The following ROBO2 variants were observed in gnomAD, a reference collection of about 807,000 sequenced individuals.
The protein encoded by ROBO2 is roundabout guidance receptor 2, also known as roundabout homolog 2.
A neutral mutation model predicts 160.8 loss-of-function variants in ROBO2; 53 were observed. That is an observed-to-expected ratio of 0.33 (90% CI 0.26 to 0.41). ROBO2 has a LOEUF of 0.41. Among genes scored for constraint, ROBO2 ranks in the 10% least tolerant of loss-of-function variants. The pLI is 1.00. For synonymous variants in ROBO2, 664 were observed against 611.7 expected (o/e 1.09, Z -1.26); for missense variants, 1,577 against 1,722.4 (o/e 0.92, Z 1.49).
chr3:77,461,570 A>G (rs995245249), intron 2 of ROBO2, among the ~76,000 whole-genome samples: 2 of 152,032 alleles, frequency 1.3e-5, no homozygotes, highest in African/African-American at 4.8e-5. Context: ...TTGTTTTTGT[A>G]TATTCAATCC....
At chr3:77,358,441 A>T (rs971496866) in intron 2 of ROBO2, among the ~76,000 whole-genome samples, 2 of 152,326 alleles carry the variant, frequency 1.3e-5, no homozygotes, top group African/African-American at 4.8e-5. Flanking sequence ...TTTCCAAATA[A>T]AGTCACATTC....
At chr3:77,335,688 G>C (rs539200092) in intron 2 of ROBO2, among the ~76,000 whole-genome samples, 17 of 152,262 alleles carry the variant, frequency 1.1e-4, no homozygotes, top group African/African-American at 3.6e-4. Flanking sequence ...AGCATTCCAA[G>C]TGTTAGGTTA....
At chr3:77,583,416 A>G (rs999073736) in intron 16 of ROBO2, among the ~76,000 whole-genome samples, 9 of 151,940 alleles carry the variant, frequency 5.9e-5, no homozygotes, top group African/African-American at 2.2e-4. Flanking sequence ...ATGGGAGTGC[A>G]TATCCCAATA....
intron 2 of ROBO2, among the ~76,000 whole-genome samples, chr3:77,397,864 G>A (rs923181336): frequency 4.6e-5 from 7 of 151,866 alleles, no homozygotes; most frequent in African/African-American, 9.7e-5. Context: ...CTGCAAAACC[G>A]TTTATTTACT....
At chr3:75,997,171 T>C (rs1373497636) in intron 2 of ROBO2, among the ~76,000 whole-genome samples, 1 of 152,234 alleles carries the variant, frequency 6.6e-6, no homozygotes, top group Non-Finnish European at 1.5e-5. Context: ...GAAATGTATA[T>C]ATCCATTATA....
chr3:76,073,816 C>A (rs2068554974), intron 2 of ROBO2, among the ~76,000 whole-genome samples: 1 of 152,038 alleles, frequency 6.6e-6, no homozygotes, highest in African/African-American at 2.4e-5. Flanking sequence ...ACAGGTTCAA[C>A]TAGAGAGATA....
At chr3:77,473,402 T>G (rs1423916318) in intron 2 of ROBO2, among the ~76,000 whole-genome samples, 1 of 150,410 alleles carries the variant, frequency 6.6e-6, no homozygotes, top group Non-Finnish European at 1.5e-5. Flanking sequence ...GCTTCCGGCT[T>G]GCTTCTCTAT....
At chr3:76,962,656 A>G (rs1247198819) in intron 2 of ROBO2, among the ~76,000 whole-genome samples, 1 of 150,980 alleles carries the variant, frequency 6.6e-6, no homozygotes, top group East Asian at 1.9e-4. Flanking sequence ...AAAAAAAAAA[A>G]AAAAGCTAGG....
chr3:77,322,038 G>A (rs1182155817), intron 2 of ROBO2, among the ~76,000 whole-genome samples: 3 of 152,140 alleles, frequency 2.0e-5, no homozygotes, highest in Non-Finnish European at 4.4e-5. Flanking sequence ...AGAGAGCTGA[G>A]GGAGACTTGT....
chr3:76,741,500 T>A (rs1050688803), intron 2 of ROBO2, among the ~76,000 whole-genome samples: 2 of 152,012 alleles, frequency 1.3e-5, no homozygotes, highest in African/African-American at 4.8e-5. Context: ...AAAGAGTAGT[T>A]TGGTTGATGT....
intron 2 of ROBO2, among the ~76,000 whole-genome samples, chr3:75,997,254 C>T (rs1300092981): frequency 6.6e-6 from 1 of 152,118 alleles, no homozygotes; most frequent in African/African-American, 2.4e-5. Context: ...AATGTTGGTA[C>T]AGTTCGAAAA....
rs866202146 is a variant in ROBO2, at chr3:76,785,946, G to A, written c.110-312068G>A. Among the ~76,000 whole-genome samples the A allele has an allele frequency of 1.1e-3, 162 of 151,404 alleles. 3 individuals carry two copies. The highest frequency in any genetic ancestry group is 9.9e-4 in the Admixed American group (15 of 15,150). The stretch of plus-strand genomic sequence containing the variant: ...ATGTATTAGAGTCAAGTACAGTGAG[G>A]ATGTAGAGAATGGGAAAGACATCCA... On this transcript the variant is annotated intron_variant, in intron 2 of 26. Coordinates refer to the ROBO2 transcript ENST00000487694.
chr3:77,602,113 C>T (rs763456672), intron 19 of ROBO2, 97 bp from the exon 21 acceptor site: 61 of 1,235,894 alleles, frequency 4.9e-5, no homozygotes, highest in Non-Finnish European at 6.7e-5. Flanking sequence ...GAAATGCAAA[C>T]GTGCAGTGTG....
chr3:76,319,024 T>C lies in ROBO2; in HGVS notation c.109+381422T>C, dbSNP rs192278035. Among the ~76,000 whole-genome samples, 868 of 152,148 alleles carry C rather than the reference T, an allele frequency of 5.7e-3. 6 individuals are homozygous for C. The highest frequency in any genetic ancestry group is 0.02 in the African/African-American group (822 of 41,546). On this transcript the variant is annotated intron_variant, in intron 2 of 26. Coordinates refer to the ROBO2 transcript ENST00000487694. ...AAACCAAGGTCACCCAAACAAGAGA[T>C]AATTCTTCTAAAAAGGAAAGAAAAT...
intron 2 of ROBO2, among the ~76,000 whole-genome samples, chr3:77,027,881 A>T (rs1165228644): frequency 2.0e-5 from 3 of 152,152 alleles, no homozygotes; most frequent in Admixed American, 6.5e-5. Flanking sequence ...TACAAGACAA[A>T]AGTGAAGCGG....
intron 2 of ROBO2, among the ~76,000 whole-genome samples, chr3:76,103,366 C>T (rs1305154645): frequency 6.6e-6 from 1 of 152,158 alleles, no homozygotes; most frequent in Non-Finnish European, 1.5e-5. Context: ...GACACCTACT[C>T]TGAAGTGTTC....
intron 5 of ROBO2, among the ~76,000 whole-genome samples, chr3:77,495,315 G>A (rs1021354458): frequency 5.3e-5 from 8 of 152,252 alleles, no homozygotes; most frequent in African/African-American, 1.9e-4. Context: ...TAGTAACAGA[G>A]AGTTCCCATT....
At chr3:76,876,732 G>T (rs934780785) in intron 2 of ROBO2, among the ~76,000 whole-genome samples, 3 of 151,336 alleles carry the variant, frequency 2.0e-5, no homozygotes, top group Non-Finnish European at 2.9e-5. Context: ...ATATTGCAAA[G>T]AAATACAGGG....
At chr3:76,367,522 G>T (rs1424989041) in intron 2 of ROBO2, among the ~76,000 whole-genome samples, 1 of 151,836 alleles carries the variant, frequency 6.6e-6, no homozygotes, top group Admixed American at 6.6e-5. Context: ...CCTGTGGTTT[G>T]TGCCCAAATT....
Sources: gnomAD v4.1 joint callset for allele counts (sites outside exome capture counted in the v4.1 genomes callset) on GRCh38, gnomAD v4.1.1 for gene constraint, MANE v1.5 for transcripts, NCBI Gene and HGNC (gene_info 2026-07-23, HGNC 2026-07-21) for gene names.